TMPRSS6: variants seen among roughly 807,000 people sequenced by gnomAD.
TMPRSS6 encodes the protein transmembrane protease serine 6.
TMPRSS6 carries 67 observed loss-of-function variants against 101.5 expected under a neutral mutation model. The ratio of observed to expected loss-of-function variants is 0.66; its 90% CI spans 0.54 to 0.81. The LOEUF is 0.81. TMPRSS6 is among the 30% of genes least tolerant of loss of function. The pLI, the probability that TMPRSS6 is intolerant of heterozygous loss-of-function variation, is 0.00. For missense variants in TMPRSS6, 1,034 were observed against 1,088.7 expected (o/e 0.95, Z 0.71); for synonymous variants, 453 against 464.9 (o/e 0.97, Z 0.33).
In TMPRSS6 at chr22:37,075,205, G is replaced by A. The variant is rs1927518071; in HGVS notation, c.1272C>T (p.Asn424=). The change falls in exon 11 of 18, where the codon AAC becomes AAT. Residue 424 remains asparagine (N), a synonymous_variant. Coordinates refer to ENST00000676104, the MANE Select transcript of TMPRSS6 (RefSeq NM_001374504.1). ...CGGTGAGGGAGATCTGGGAGGTGAAGTTGATGGTGATCCCGGCCGTGGCCA... is the reference window on the plus strand; with the variant it reads ...CGGTGAGGGAGATCTGGGAGGTGAAATTGATGGTGATCCCGGCCGTGGCCA... ...PVVATAGITI[N]FTSQISLTGP... is the part of the protein sequence containing the mutation. The A allele has an allele frequency of 6.2e-7, 1 of 1,613,908 alleles. No homozygotes were observed. Among genetic ancestry groups the A allele is most frequent in the Non-Finnish European group, 8.5e-7 (1 of 1,180,044 alleles).
At chr22:37,097,029 T>A (rs1160660298) in intron 3 of TMPRSS6, among the ~76,000 whole-genome samples, 2 of 152,184 alleles carry the variant, frequency 1.3e-5, no homozygotes, top group Admixed American at 1.3e-4. Flanking sequence ...CTGGGTCCCC[T>A]CTGCACCTCC....
chr22:37,075,678 G>A (rs747043118), intron 10 of TMPRSS6, among the ~76,000 whole-genome samples: 2 of 152,198 alleles, frequency 1.3e-5, no homozygotes, highest in Non-Finnish European at 2.9e-5. Context: ...TGAGGTGGGT[G>A]GATCACCTGA....
At chr22:37,106,903 CT>C (rs1227562327) in intron 1 of TMPRSS6, among the ~76,000 whole-genome samples, 1 of 152,170 alleles carries the variant, frequency 6.6e-6, no homozygotes, top group Admixed American at 6.5e-5. Flanking sequence ...TTCTGGGCCC[CT>C]GGCTAGTTAA....
rs755020516 is a variant in TMPRSS6 at position 37,096,095 on chromosome 22, GGC to G, written c.405-7_405-6del. 1.9e-6 allele frequency: 3 copies of G among 1,614,114 alleles called. No individual in the cohort carries two copies. In the South Asian group the frequency reaches 3.3e-5, roughly 18 times the overall value. On this transcript the variant is annotated splice_region_variant and splice_polypyrimidine_tract_variant and intron_variant, in intron 4 of 17. Coordinates refer to ENST00000676104, the MANE Select transcript of TMPRSS6 (RefSeq NM_001374504.1). ...AAGCAGGTGAGGGGTCCCTCCCTAA[GGC>G]AGGCAGAAGTGAGAGAGGCCAGGGA...
chr22:37,068,975 C>G (rs1336272711), intron 16 of TMPRSS6, 98 bp downstream of exon 16: 112 of 1,490,710 alleles, frequency 7.5e-5, no homozygotes, highest in Non-Finnish European at 1.4e-5. Flanking sequence ...TGGGGTGGAG[C>G]CCCGGGACCC....
intron 7 of TMPRSS6, 45 bp from the exon 8 acceptor site, chr22:37,086,464 G>A (rs753114552): frequency 1.2e-5 from 18 of 1,551,806 alleles, no homozygotes; most frequent in Non-Finnish European, 1.6e-5. Context: ...GGTCTGGGAG[G>A]GGAGTGGCAG....
chr22:37,085,179 G>C (rs1255899904), intron 8 of TMPRSS6, among the ~76,000 whole-genome samples: 1 of 152,158 alleles, frequency 6.6e-6, no homozygotes, highest in Non-Finnish European at 1.5e-5. Context: ...GTGGTGGCTG[G>C]GGGAGAGAGA....
At chr22:37,070,354 C>T in intron 15 of TMPRSS6, 130 bp downstream of exon 15, 1 of 1,230,824 alleles carries the variant, frequency 8.1e-7, no homozygotes, top group Non-Finnish European at 1.2e-6. Context: ...GAACTCACAT[C>T]ACAGTAGCCT....
intron 6 of TMPRSS6, among the ~76,000 whole-genome samples, chr22:37,090,996 C>G (rs1030429652): frequency 6.6e-6 from 1 of 152,176 alleles, no homozygotes; most frequent in Non-Finnish European, 1.5e-5. Context: ...ACCCCACCCC[C>G]CTACCCCACA....
At chr22:37,073,862 A>G (rs892198743) in intron 12 of TMPRSS6, among the ~76,000 whole-genome samples, 3 of 152,190 alleles carry the variant, frequency 2.0e-5, no homozygotes, top group African/African-American at 7.2e-5. Context: ...CTCCTGCCTC[A>G]GACTCCCGAG....
chr22:37,096,100 G>A lies in TMPRSS6; in HGVS notation c.405-10C>T, dbSNP rs558936970. 1.9e-4 allele frequency: 312 copies of A among 1,614,056 alleles called. 3 individuals carry two copies. In the South Asian group the frequency reaches 3.0e-3, roughly 16 times the overall value. On this transcript the variant is annotated splice_polypyrimidine_tract_variant and intron_variant, in intron 4 of 17. Transcript: ENST00000676104. ...GGTGAGGGGTCCCTCCCTAAGGCAG[G>A]CAGAAGTGAGAGAGGCCAGGGAAGG...
At chr22:37,067,117 C>T (rs1267620514) in intron 16 of TMPRSS6, among the ~76,000 whole-genome samples, 155 bp from the exon 17 acceptor site, 1 of 152,222 alleles carries the variant, frequency 6.6e-6, no homozygotes, top group Non-Finnish European at 1.5e-5. Flanking sequence ...CCCTCTGCCT[C>T]CCTGTCACTT....
Position 37,066,211 on chromosome 22 carries a change from T to G in TMPRSS6, c.2278A>C (p.Lys760Gln), listed in dbSNP as rs762126043. The change falls in exon 18 of 18, where the codon AAG becomes CAG. Residue 760 changes from lysine (K) to glutamine (Q), a missense_variant. Coordinates refer to ENST00000676104, the MANE Select transcript of TMPRSS6 (RefSeq NM_001374504.1). ...AGGAACCAGCGGCCACTGAGTGCCT[T>G]GCACACCAGCGGACCACCTGAGTCA... ...QGDSGGPLVC[K>Q]ALSGRWFLAG... is the part of the protein sequence containing the mutation. The G allele has an allele frequency of 5.6e-6, 9 of 1,612,696 alleles. No individual in the cohort carries two copies. The highest frequency in any genetic ancestry group is 1.7e-5 in the Admixed American group (1 of 59,976).
intron 10 of TMPRSS6, 163 bp downstream of exon 10, chr22:37,084,126 ACAAGGT>A (rs1008826515): frequency 2.4e-5 from 16 of 669,116 alleles, no homozygotes; most frequent in Admixed American, 1.2e-4. Context: ...TGGGACGAGG[ACAAGGT>A]CAAGGGCAAC....
In TMPRSS6 at chr22:37,103,215, C is replaced by T; in HGVS notation, c.202+1G>A. On this transcript the variant is annotated splice_donor_variant, in intron 2 of 17. Transcript: ENST00000676104. LOFTEE classifies it high-confidence loss of function. The surrounding 1 kb of genome is among the most constrained non-coding windows in gnomAD (Gnocchi z 4.4). ...TCTCCCAGGCGGTCCCACAACGTTA[C>T]CTAGGAAATACCAGAGTAGCACCCC... 1 of 1,613,908 alleles carries T rather than the reference C, an allele frequency of 6.2e-7. No homozygotes were observed. Among genetic ancestry groups the T allele is most frequent in the Non-Finnish European group, 8.5e-7 (1 of 1,179,894 alleles).
intron 10 of TMPRSS6, among the ~76,000 whole-genome samples, chr22:37,080,904 C>T (rs372663916): frequency 2.6e-5 from 4 of 152,384 alleles, no homozygotes; most frequent in Non-Finnish European, 4.4e-5. Flanking sequence ...AAGAATCGCA[C>T]ACGTGGACCA....
At chr22:37,075,424 G>T in intron 10 of TMPRSS6, 144 bp from the exon 11 acceptor site, 4 of 1,111,372 alleles carry the variant, frequency 3.6e-6, no homozygotes, top group South Asian at 1.5e-5. Flanking sequence ...TCCCTTAGAT[G>T]AGTGCACCCC....
chr22:37,095,783 C>G, intron 5 of TMPRSS6, 123 bp downstream of exon 5: 2 of 1,363,994 alleles, frequency 1.5e-6, no homozygotes, highest in Non-Finnish European at 2.1e-6. Flanking sequence ...ACCTGGGGGG[C>G]TCTCCTGGGG....
Position 37,103,265 on chromosome 22 carries a change from C to T in TMPRSS6, c.153G>A (p.Leu51=), listed in dbSNP as rs780790016. ...CCGCCGAAGCCAGCACGAGCAGGGC[C>T]AGCAGCACAAACAGGGGCACCAGGC... ...YLRLVPLFVL[L]ALLVLASAGV... is the part of the protein sequence containing the mutation. The change falls in exon 2 of 18, where the codon CTG becomes CTA. Residue 51 remains leucine (L), a synonymous_variant. Transcript: ENST00000676104. This position sits in a 1 kb window ranked among gnomAD's most constrained non-coding sequence, Gnocchi z 4.4. 1 of 1,614,122 alleles carries T rather than the reference C, an allele frequency of 6.2e-7. No homozygotes were observed. The highest frequency in any genetic ancestry group is 2.2e-5 in the East Asian group (1 of 44,884).
Sources: allele counts gnomAD v4.1 joint callset (sites outside exome capture counted in the v4.1 genomes callset), GRCh38; gene constraint gnomAD v4.1.1; non-coding constraint Gnocchi (gnomAD v3.1); transcripts MANE v1.5; gene names NCBI Gene and HGNC (gene_info 2026-07-23, HGNC 2026-07-21).